Variants in POFUT3 observed in about 807,000 individuals in gnomAD.
POFUT3 encodes GDP-fucose protein O-fucosyltransferase 3.
the POFUT3 span, among the ~76,000 whole-genome samples, chr8:33,449,278 A>ATTT: frequency 7.4e-5 from 4 of 53,762 alleles, 1 homozygote; most frequent in Non-Finnish European, 1.2e-4. Flanking sequence ...ATCCGAGTTG[A>ATTT]TTTTTTTTTT....
At chr8:33,434,903 A>G in the POFUT3 span, among the ~76,000 whole-genome samples, 2 of 152,208 alleles carry the variant, frequency 1.3e-5, no homozygotes, top group Non-Finnish European at 2.9e-5. Flanking sequence ...GGCTGGGCAC[A>G]GGTGCAGGTG....
chr8:33,309,832 C>T, the POFUT3 span, among the ~76,000 whole-genome samples: 2 of 152,160 alleles, frequency 1.3e-5, no homozygotes, highest in Non-Finnish European at 2.9e-5. Context: ...CAACCAGCAA[C>T]TTGGCAGGGG....
chr8:33,460,724 T>C, the POFUT3 span: 1 of 985,154 alleles, frequency 1.0e-6, no homozygotes, highest in Admixed American at 6.1e-5. Flanking sequence ...TCTATTTCAA[T>C]GACTTTGTTT....
chr8:33,367,400 G>A, the POFUT3 span, among the ~76,000 whole-genome samples: 7 of 152,168 alleles, frequency 4.6e-5, no homozygotes, highest in African/African-American at 9.7e-5. Flanking sequence ...TTCGTTTCCC[G>A]TAAGGAATAC....
chr8:33,417,205 C>T, the POFUT3 span, among the ~76,000 whole-genome samples: 5 of 152,204 alleles, frequency 3.3e-5, no homozygotes, highest in Non-Finnish European at 7.3e-5. Context: ...GAGAACCTGA[C>T]GCCTGATGAA....
the POFUT3 span, among the ~76,000 whole-genome samples, chr8:33,433,196 T>C: frequency 6.6e-6 from 1 of 151,382 alleles, no homozygotes; most frequent in African/African-American, 2.4e-5. Flanking sequence ...ATCACAACAC[T>C]GCACTTCACC....
chr8:33,375,736 G>T, the POFUT3 span, among the ~76,000 whole-genome samples: 2 of 152,126 alleles, frequency 1.3e-5, no homozygotes, highest in Non-Finnish European at 2.9e-5. Context: ...GAGTAAATAG[G>T]CCAGGTGTGG....
the POFUT3 span, among the ~76,000 whole-genome samples, chr8:33,379,134 C>T: frequency 6.6e-6 from 1 of 152,070 alleles, no homozygotes; most frequent in African/African-American, 2.4e-5. Context: ...GTTTGTTTCC[C>T]CACTTTGCTT....
At chr8:33,400,418 A>C in the POFUT3 span, among the ~76,000 whole-genome samples, 2 of 152,162 alleles carry the variant, frequency 1.3e-5, no homozygotes, top group East Asian at 3.9e-4. Flanking sequence ...GCTCCACTGC[A>C]CTCCAGCCTG....
At chr8:33,370,169 T>TAAAAAAAAAAAAAAAAA in the POFUT3 span, among the ~76,000 whole-genome samples, 1 of 39,896 alleles carries the variant, frequency 2.5e-5, no homozygotes, top group East Asian at 9.7e-4. Context: ...CCATCTTTAC[T>TAAAAAAAAAAAAAAAAA]AAAAAAAAAA....
At chr8:33,469,587 G>A in the POFUT3 span, among the ~76,000 whole-genome samples, 1 of 152,072 alleles carries the variant, frequency 6.6e-6, no homozygotes, top group Non-Finnish European at 1.5e-5. Flanking sequence ...CACTTCTATT[G>A]CAGAAATGAA....
At chr8:33,422,223 C>A in the POFUT3 span, among the ~76,000 whole-genome samples, 1 of 150,970 alleles carries the variant, frequency 6.6e-6, no homozygotes, top group East Asian at 1.9e-4. Flanking sequence ...AGGAAGTGCG[C>A]CTTGTTTCCC....
the POFUT3 span, among the ~76,000 whole-genome samples, chr8:33,437,420 T>C: frequency 1.0e-3 from 152 of 152,088 alleles, no homozygotes; most frequent in African/African-American, 3.5e-3. Flanking sequence ...CTGCCAGCTT[T>C]CAAGACACTT....
the POFUT3 span, among the ~76,000 whole-genome samples, chr8:33,471,511 A>G: frequency 6.6e-6 from 1 of 152,208 alleles, no homozygotes; most frequent in African/African-American, 2.4e-5. Flanking sequence ...CGGTCTCTCA[A>G]AGTTCTGGGA....
At chr8:33,397,699 A>C in the POFUT3 span, among the ~76,000 whole-genome samples, 1 of 152,190 alleles carries the variant, frequency 6.6e-6, no homozygotes, top group African/African-American at 2.4e-5. Context: ...TAGTTATTAA[A>C]GACCACATAC....
At chr8:33,310,690 C>CAA in the POFUT3 span, among the ~76,000 whole-genome samples, 11,485 of 127,888 alleles carry the variant, frequency 0.09, 870 homozygotes, top group African/African-American at 0.2. Context: ...GACTCCATCT[C>CAA]AAAAAAAAAA....
chr8:33,437,907 C>T, the POFUT3 span, among the ~76,000 whole-genome samples: 1 of 152,090 alleles, frequency 6.6e-6, no homozygotes, highest in Non-Finnish European at 1.5e-5. Context: ...ACCAGTTGCA[C>T]ACTTAAATTT....
chr8:33,455,703 C>A, the POFUT3 span: 1 of 418,472 alleles, frequency 2.4e-6, no homozygotes, highest in East Asian at 7.2e-5. Flanking sequence ...ACTGCTCCAC[C>A]AGTCGGCCAT....
chr8:33,453,219 A>G, the POFUT3 span: 12 of 1,613,918 alleles, frequency 7.4e-6, no homozygotes, highest in Admixed American at 1.7e-4. Context: ...TGCTTACCAT[A>G]GAAGAGGAAT....
Sources: allele counts gnomAD v4.1 joint callset (sites outside exome capture counted in the v4.1 genomes callset), GRCh38; gene constraint gnomAD v4.1.1; transcripts MANE v1.5; gene names NCBI Gene and HGNC (gene_info 2026-07-23, HGNC 2026-07-21).